ZNF44: variants seen among roughly 807,000 people sequenced by gnomAD.
ZNF44 encodes zinc finger protein 44.
A neutral mutation model predicts 11.7 loss-of-function variants in ZNF44; 9 were observed. The observed-to-expected ratio is 0.77, with a 90% CI of 0.46 to 1.35. The LOEUF (loss-of-function observed/expected upper bound fraction) is 1.35. ZNF44 is among the 40% of genes most tolerant of loss of function. The probability of loss-of-function intolerance (pLI) is 0.00; values close to 1 mark genes in which losing one functional copy is unlikely to be tolerated. For synonymous variants in ZNF44, 224 were observed against 242.7 expected, an observed-to-expected ratio of 0.92 and a Z score of 0.72; for missense variants, 696 against 743.1, an observed-to-expected ratio of 0.94 and a Z score of 0.74.
At chr19:12,268,179 CACA>C (rs765378479), downstream of ZNF44, among the ~76,000 whole-genome samples, 451 of 136,628 alleles carry the variant, frequency 3.3e-3, 3 homozygotes, top group African/African-American at 6.5e-3. Context: ...CACACACACA[CACA>C]AGCTCCTTCC....
In ZNF44 at chr19:12,272,382, G is replaced by A. The variant is rs748907494; in HGVS notation, c.*25C>T. 1.2e-5 allele frequency: 18 copies of A among 1,498,374 alleles called. No individual in the cohort carries two copies. Among genetic ancestry groups the A allele is most frequent in the African/African-American group, 2.8e-5 (2 of 71,272 alleles). The allele number at this position is 1,498,374 out of a possible 1,614,324, so 92.8% of individuals were successfully genotyped here. A position where few individuals can be genotyped will look rare whatever the true frequency, so the allele number is the denominator to read the frequency against. On this transcript the variant is annotated 3_prime_UTR_variant, in exon 4 of 4. Coordinates refer to ENST00000355684, the MANE Select transcript of ZNF44 (RefSeq NM_016264.4). ...AGTATCTGAATGTGATAAAACCAAT[G>A]AATGCTTTCCCACATTCCATACACT... is the stretch of plus-strand genomic sequence containing the variant.
intron 3 of ZNF44, among the ~76,000 whole-genome samples, chr19:12,229,614 G>T (rs1003577681): frequency 1.4e-5 from 2 of 140,030 alleles, no homozygotes; most frequent in African/African-American, 6.3e-5. Flanking sequence ...TAGGAAGAAA[G>T]ATATTTTTTT....
intron 5 of ZNF44, among the ~76,000 whole-genome samples, chr19:12,263,383 G>A (rs572825421): frequency 6.6e-6 from 1 of 152,056 alleles, no homozygotes; most frequent in Admixed American, 6.5e-5. Flanking sequence ...ACCATGCCTG[G>A]CTTCAAATTC....
intron 3 of ZNF44, among the ~76,000 whole-genome samples, chr19:12,274,285 T>C (rs1320088358): frequency 6.9e-6 from 1 of 144,938 alleles, no homozygotes; most frequent in Non-Finnish European, 1.5e-5. Flanking sequence ...TTTTTTTTTT[T>C]TTTTTGAGAT....
chr19:12,256,059 A>C (rs1351761843), intron 5 of ZNF44, among the ~76,000 whole-genome samples: 7 of 147,586 alleles, frequency 4.7e-5, no homozygotes, highest in Non-Finnish European at 3.0e-5. Context: ...AAAAAAAAAA[A>C]AAAAACAGCC....
intron 1 of ZNF44, among the ~76,000 whole-genome samples, chr19:12,235,375 A>G (rs1028454099): frequency 1.3e-5 from 2 of 152,112 alleles, no homozygotes; most frequent in Non-Finnish European, 2.9e-5. Flanking sequence ...TCTCGTCTCG[A>G]AAAAAACAAA....
chr19:12,229,168 CAG>C (rs995645911), intron 3 of ZNF44, among the ~76,000 whole-genome samples: 24 of 152,160 alleles, frequency 1.6e-4, no homozygotes, highest in African/African-American at 5.8e-4. Flanking sequence ...TATAACCACA[CAG>C]ACAACCAGAA....
intron 5 of ZNF44, among the ~76,000 whole-genome samples, chr19:12,255,132 A>ACACACC (rs373440877): frequency 1.8e-3 from 261 of 145,178 alleles, no homozygotes; most frequent in African/African-American, 6.5e-3. Flanking sequence ...ACACACACAC[A>ACACACC]CCCCTTTGTG....
downstream of ZNF44, chr19:12,242,986 GACATAATTTTAAAT>G (rs1179540277): frequency 6.6e-6 from 1 of 152,160 alleles, no homozygotes; most frequent in Non-Finnish European, 1.5e-5. Flanking sequence ...CAATAGAAAT[GACATAATTTTAAAT>G]ACATGCACTT....
At chr19:12,274,856 C>T (rs1967145607) in intron 3 of ZNF44, 117 bp downstream of exon 3, 1 of 655,372 alleles carries the variant, frequency 1.5e-6, no homozygotes, top group Non-Finnish European at 2.5e-6. Context: ...AGAAATTTTT[C>T]TAAGAATAAA....
chr19:12,250,247 G>T (rs1479259878), exon 6 of ZNF44: 1 of 1,360,686 alleles, frequency 7.3e-7, no homozygotes, highest in African/African-American at 1.5e-5. Flanking sequence ...TTTACCTATA[G>T]TGGCCAGGTT....
intron 1 of ZNF44, among the ~76,000 whole-genome samples, chr19:12,280,151 A>G (rs2459044): frequency 0.39 from 59,213 of 151,876 alleles, 12,797 homozygotes; most frequent in African/African-American, 0.6. Flanking sequence ...CCCAGGAGGC[A>G]GAGGTTGCAG....
chr19:12,273,515 T>A lies in ZNF44; in HGVS notation c.740A>T (p.His247Leu). 1 of 1,614,138 alleles carries A rather than the reference T, an allele frequency of 6.2e-7. No individual in the cohort carries two copies. The highest frequency in any genetic ancestry group is 8.5e-7 in the Non-Finnish European group (1 of 1,180,028). ...YSSYLRHEKI[H>L]TGEKPYECKQ... The stretch of plus-strand genomic sequence containing the variant: ...ACATTCATACGGTTTCTCCCCAGTG[T>A]GTATTTTTTCATGTCTTAGATAGGA... The change falls in exon 4 of 4, where the codon CAC becomes CTC. Residue 247 changes from histidine (H) to leucine (L), a missense_variant. Physicochemically the swap from His to Leu is moderately conservative, Grantham distance 99. Coordinates refer to ENST00000355684, the MANE Select transcript of ZNF44 (RefSeq NM_016264.4).
chr19:12,272,950 G>C lies in ZNF44; in HGVS notation c.1305C>G (p.Ser435=), dbSNP rs1304273583. 5.0e-6 allele frequency: 8 copies of C among 1,613,632 alleles called. No individual in the cohort carries two copies. Among genetic ancestry groups the C allele is most frequent in the Non-Finnish European group, 5.9e-6 (7 of 1,179,922 alleles). ...TGTGTGTTGTTTCATGTTTTCGAAG[G>C]GAACTGGAAGTACGGAAGGCTTTCC... is the stretch of plus-strand genomic sequence containing the variant. ...QCGKAFRTSS[S]LRKHETTHTG... Residue 435 remains serine (S), a synonymous_variant, in exon 4 of 4, where the codon TCC becomes TCG. Coordinates refer to ENST00000355684, the MANE Select transcript of ZNF44 (RefSeq NM_016264.4).
At chr19:12,255,331 AT>A (rs533134914) in intron 5 of ZNF44, among the ~76,000 whole-genome samples, 29 of 152,256 alleles carry the variant, frequency 1.9e-4, no homozygotes, top group Admixed American at 3.9e-4. Flanking sequence ...TAAAAAAAAA[AT>A]CAAAACCAAA....
At chr19:12,292,855 GTTTTTT>G (rs71166664) in intron 1 of ZNF44, among the ~76,000 whole-genome samples, 1 of 76,916 alleles carries the variant, frequency 1.3e-5, no homozygotes, top group Admixed American at 1.8e-4. Flanking sequence ...CAGAGGTTAG[GTTTTTT>G]TTTTTTTTTT....
intron 1 of ZNF44, among the ~76,000 whole-genome samples, chr19:12,281,779 T>A (rs1396452694): frequency 6.6e-6 from 1 of 152,056 alleles, no homozygotes; most frequent in Non-Finnish European, 1.5e-5. Flanking sequence ...TTTGATAAAA[T>A]TACACAGAAT....
At chr19:12,285,200 A>G in intron 1 of ZNF44, 3 of 462,506 alleles carry the variant, frequency 6.5e-6, no homozygotes. Flanking sequence ...TTCATACAAG[A>G]AAAATAAAGT....
rs181662776 is a variant in ZNF44 at position 12,294,466 on chromosome 19, G to A, written c.3+226C>T. Among the ~76,000 whole-genome samples the A allele has an allele frequency of 3.9e-3, 596 of 152,362 alleles. 2 individuals are homozygous for A. The highest frequency in any genetic ancestry group is 0.014 in the African/African-American group (564 of 41,594). On this transcript the variant is annotated intron_variant, in intron 1 of 3. Coordinates refer to ENST00000355684, the MANE Select transcript of ZNF44 (RefSeq NM_016264.4). ...CTGCCCAGAGAGGGGCGCCGGGGCCGGGGCCGCAGTCGCAGCTCAGGGACG... is the reference window on the plus strand; with the variant it reads ...CTGCCCAGAGAGGGGCGCCGGGGCCAGGGCCGCAGTCGCAGCTCAGGGACG...
Sources: gnomAD v4.1 joint callset for allele counts (sites outside exome capture counted in the v4.1 genomes callset) on GRCh38, gnomAD v4.1.1 for gene constraint, MANE v1.5 for transcripts, NCBI Gene and HGNC (gene_info 2026-07-23, HGNC 2026-07-21) for gene names.